Variants in MBD5 observed in about 807,000 individuals in gnomAD.
MBD5 encodes methyl-CpG-binding domain protein 5.
A neutral mutation model predicts 117.3 loss-of-function variants in MBD5; 13 were observed. The observed-to-expected ratio is 0.11, with a 90% CI of 0.07 to 0.18. The LOEUF (loss-of-function observed/expected upper bound fraction) is 0.18. Ranked by LOEUF, MBD5 falls within the 10% of genes least tolerant of loss-of-function variation. The probability of loss-of-function intolerance (pLI) is 1.00; values close to 1 mark genes in which losing one functional copy is unlikely to be tolerated. For synonymous variants in MBD5, 727 were observed against 766.4 expected (o/e 0.95, Z 0.85); for missense variants, 1,879 against 2,093.8 (o/e 0.90, Z 2.00).
At chr2:148,227,290 A>G (rs970086908) in intron 2 of MBD5, among the ~76,000 whole-genome samples, 1 of 152,142 alleles carries the variant, frequency 6.6e-6, no homozygotes, top group Non-Finnish European at 1.5e-5. Flanking sequence ...TAATTTTTGT[A>G]TAAGGTGTAA....
chr2:148,361,876 G>A lies in MBD5; in HGVS notation c.-557+19540G>A, dbSNP rs138857759. On this transcript the variant is annotated intron_variant, in intron 4 of 13. Coordinates refer to ENST00000642680, the MANE Select transcript of MBD5 (RefSeq NM_001378120.1). Reference sequence around the variant, plus strand: ...GAGTGCAGCCCTCCCGACTGGGGAAGCACAAGGGGTTGGGGAACTCCCTCC... The same window carrying A: ...GAGTGCAGCCCTCCCGACTGGGGAAACACAAGGGGTTGGGGAACTCCCTCC... 3.7e-4 allele frequency among the ~76,000 whole-genome samples: 57 copies of A among 152,324 alleles called. No individual in the cohort carries two copies. In the East Asian group the frequency reaches 9.5e-3, roughly 25 times the overall value.
chr2:148,130,838 A>G (rs935160886), intron 1 of MBD5, among the ~76,000 whole-genome samples: 2 of 152,214 alleles, frequency 1.3e-5, no homozygotes, highest in African/African-American at 4.8e-5. Context: ...GTGATGGTTA[A>G]TGATTCTCCT....
rs1173366656 is a variant in MBD5, at chr2:148,294,508, T to TTTTTTTG, written c.-679-47700_-679-47699insGTTTTTT. Among the ~76,000 whole-genome samples, 40 of 137,518 alleles carry TTTTTTTG rather than the reference T, an allele frequency of 2.9e-4. 1 individual carries two copies. Among genetic ancestry groups the TTTTTTTG allele is most frequent in the Admixed American group, 5.8e-4 (8 of 13,832 alleles). The allele number at this position is 137,518 out of a possible 152,430, so 90.2% of individuals were successfully genotyped here. A position where few individuals can be genotyped will look rare whatever the true frequency, so the allele number is the denominator to read the frequency against. Reference sequence around the variant, plus strand: ...CAAAGTGCTGGGATTACAGTTTTTTTTTTTTTTTTTTTTGAGATAGAGCTG... The same window carrying TTTTTTTG: ...CAAAGTGCTGGGATTACAGTTTTTTTTTTTTTGTTTTTTTTTTTTTGAGATAGAGCTG... On this transcript the variant is annotated intron_variant, in intron 3 of 13. Transcript: ENST00000642680.
intron 3 of MBD5, among the ~76,000 whole-genome samples, chr2:148,253,983 C>T (rs1369740502): frequency 6.6e-6 from 1 of 152,178 alleles, no homozygotes; most frequent in African/African-American, 2.4e-5. Context: ...ATTTCCCTTA[C>T]TTTCCACGCT....
chr2:148,301,497 T>G (rs1382401122), intron 3 of MBD5, among the ~76,000 whole-genome samples: 6 of 152,090 alleles, frequency 3.9e-5, no homozygotes, highest in African/African-American at 7.2e-5. Context: ...GAGTGAAAGT[T>G]TATTAAAAAG....
In MBD5 at chr2:148,513,753, A is replaced by T. The variant is rs1019234477; in HGVS notation, c.*812A>T. On this transcript the variant is annotated 3_prime_UTR_variant, in exon 14 of 14. Transcript: ENST00000642680. ...AGTTTTAAAATAGAATAGGTTTTAT[A>T]AAAAAAAATCTTAGATGGAATATTT... is the stretch of plus-strand genomic sequence containing the variant. 6.6e-6 allele frequency: 1 copy of T among 151,762 alleles called. No homozygotes were observed. Among genetic ancestry groups the T allele is most frequent in the African/African-American group, 2.4e-5 (1 of 41,322 alleles). The allele number at this position is 151,762 out of a possible 1,614,324, so 9.4% of individuals were successfully genotyped here.
rs1359599488 is a variant in MBD5 at position 148,484,120 on chromosome 2, G to A, written c.3529G>A (p.Gly1177Arg). The change falls in exon 9 of 14, where the codon GGG (glycine) becomes AGG (arginine). Residue 1177 changes from glycine to arginine, a missense_variant. By Grantham distance (125) the Gly-to-Arg change is moderately radical. This residue lies in a region of MBD5 where 1,666 missense variants were observed against 1,792.2 expected (regional missense o/e 0.93). Coordinates refer to ENST00000642680, the MANE Select transcript of MBD5 (RefSeq NM_001378120.1). ...VVPQLLNPLLGTGLLGDMSSI... is the reference protein window; with the variant it reads ...VVPQLLNPLLRTGLLGDMSSI... ...GCCACAGCTACTTAACCCTCTACTG[G>A]GGACAGGTCTACTTGGTAAGTTAAA... The A allele has an allele frequency of 4.0e-6, 6 of 1,487,334 alleles. No homozygotes were observed. The highest frequency in any genetic ancestry group is 2.5e-5 in the East Asian group (1 of 40,090). The allele number at this position is 1,487,334 out of a possible 1,614,324, so 92.1% of individuals were successfully genotyped here. A position where few individuals can be genotyped will look rare whatever the true frequency, so the allele number is the denominator to read the frequency against.
chr2:148,445,697 T>C (rs1171656994), intron 4 of MBD5, among the ~76,000 whole-genome samples: 124 of 151,424 alleles, frequency 8.2e-4, no homozygotes, highest in South Asian at 2.1e-4. Flanking sequence ...TTCTAGATCC[T>C]TGAGGAATCG....
intron 4 of MBD5, among the ~76,000 whole-genome samples, chr2:148,362,194 C>T (rs183962796): frequency 1.1e-4 from 16 of 152,298 alleles, no homozygotes; most frequent in African/African-American, 3.1e-4. Context: ...TCTAGCTCAG[C>T]GGATCCCAGC....
At chr2:148,108,114 G>C (rs1696416222) in intron 1 of MBD5, among the ~76,000 whole-genome samples, 1 of 149,134 alleles carries the variant, frequency 6.7e-6, no homozygotes, top group East Asian at 2.1e-4. Context: ...AATTTTCCTT[G>C]CATTTCCTTA....
intron 1 of MBD5, among the ~76,000 whole-genome samples, chr2:148,114,584 A>G (rs1420422478): frequency 6.6e-6 from 1 of 152,198 alleles, no homozygotes; most frequent in Non-Finnish European, 1.5e-5. Context: ...AAAACCAGTA[A>G]GGGGTGTGGC....
intron 1 of MBD5, among the ~76,000 whole-genome samples, chr2:148,096,202 A>G (rs1696063658): frequency 6.6e-6 from 1 of 152,178 alleles, no homozygotes; most frequent in African/African-American, 2.4e-5. Flanking sequence ...GTAGAATCAT[A>G]CAATAGTCTT....
intron 3 of MBD5, among the ~76,000 whole-genome samples, chr2:148,284,795 T>A (rs1701333641): frequency 6.6e-6 from 1 of 152,182 alleles, no homozygotes; most frequent in South Asian, 2.1e-4. Flanking sequence ...GTTCTATCAA[T>A]TTTAATATAT....
chr2:148,165,906 A>G (rs1450327662), intron 1 of MBD5, among the ~76,000 whole-genome samples: 3 of 152,178 alleles, frequency 2.0e-5, no homozygotes, highest in Non-Finnish European at 2.9e-5. Flanking sequence ...TGGTTTAAAC[A>G]TTTGAATAGT....
At chr2:148,131,364 A>T (rs1558938635) in intron 1 of MBD5, among the ~76,000 whole-genome samples, 1 of 152,162 alleles carries the variant, frequency 6.6e-6, no homozygotes, top group Non-Finnish European at 1.5e-5. Flanking sequence ...CTTTTCTTAC[A>T]CAATTTTCAT....
intron 3 of MBD5, among the ~76,000 whole-genome samples, chr2:148,239,547 T>C (rs79925029): frequency 0.11 from 17,466 of 152,222 alleles, 1,353 homozygotes; most frequent in Non-Finnish European, 0.18. Context: ...CCACCTTTTA[T>C]TATTATGGGT....
intron 2 of MBD5, among the ~76,000 whole-genome samples, chr2:148,187,291 T>TCC (rs1431740443): frequency 6.9e-6 from 1 of 145,576 alleles, no homozygotes; most frequent in Non-Finnish European, 1.5e-5. Context: ...AACTGAACCC[T>TCC]CCCCCTTCCT....
At chr2:148,341,637 C>T (rs10187257) in intron 3 of MBD5, among the ~76,000 whole-genome samples, 1,922 of 151,778 alleles carry the variant, frequency 0.013, 39 homozygotes, top group African/African-American at 0.044. Context: ...TTAGTGGTGA[C>T]GGTGATAAGA....
chr2:148,489,441 G>A lies in MBD5; in HGVS notation c.3809G>A (p.Gly1270Glu). ...LLNKRISTQP[G>E]LTALPENPNT... is the part of the protein sequence containing the mutation. ...AACAAAAGAATAAGCACTCAGCCTG[G>A]GCTCACAGCACTTCCTGAGAATCCA... is the stretch of plus-strand genomic sequence containing the variant. The change falls in exon 11 of 14, where the codon GGG becomes GAG. Residue 1270 changes from glycine (G) to glutamate (E), a missense_variant. Transcript: ENST00000642680. 6.2e-7 allele frequency: 1 copy of A among 1,614,068 alleles called. No homozygotes were observed. Among genetic ancestry groups the A allele is most frequent in the Non-Finnish European group, 8.5e-7 (1 of 1,180,014 alleles).
Sources: gnomAD v4.1 joint callset for allele counts (sites outside exome capture counted in the v4.1 genomes callset) on GRCh38, gnomAD v4.1.1 for gene constraint, gnomAD v4.1.1 regional missense constraint, MANE v1.5 for transcripts, NCBI Gene and HGNC (gene_info 2026-07-23, HGNC 2026-07-21) for gene names.